Variants in MTHFD2L observed in about 807,000 individuals in gnomAD.
MTHFD2L encodes the protein methylenetetrahydrofolate dehydrogenase (NADP+ dependent) 2 like.
In MTHFD2L, 29 loss-of-function variants were observed where a neutral mutation model predicts 34.9. That is an observed-to-expected ratio of 0.83 (90% CI 0.62 to 1.13). MTHFD2L has a LOEUF of 1.13. MTHFD2L is among the 50% of genes most tolerant of loss of function. MTHFD2L has a pLI of 0.00. For synonymous variants in MTHFD2L, 167 were observed against 155.7 expected (o/e 1.07, Z -0.54); for missense variants, 481 against 446.5 (o/e 1.08, Z -0.70).
chr4:74,201,360 A>T lies in MTHFD2L; in HGVS notation c.702A>T (p.Glu234Asp). Residue 234 changes from glutamate (E) to aspartate (D), a missense_variant, in exon 5 of 8, where the codon GAA becomes GAT. Glu to Asp is a conservative substitution (Grantham distance 45). Coordinates refer to ENST00000325278, the MANE Select transcript of MTHFD2L (RefSeq NM_001144978.3). ...TTTTACACACTGATGGAGAGCATGA[A>T]CGGCCAGGAGGTAGGTAGAACCTTG... ...AMLLHTDGEH[E>D]RPGGDATVTI... 6.2e-7 allele frequency: 1 copy of T among 1,613,026 alleles called. No individual in the cohort carries two copies. The highest frequency in any genetic ancestry group is 8.5e-7 in the Non-Finnish European group (1 of 1,179,252).
chr4:74,236,425 T>C (rs1328681648), intron 6 of MTHFD2L, among the ~76,000 whole-genome samples: 1 of 152,256 alleles, frequency 6.6e-6, no homozygotes, highest in African/African-American at 2.4e-5. Flanking sequence ...AACTAGGACC[T>C]GAAAACGAAA....
chr4:74,300,446 A>G (rs1750159039), intron 7 of MTHFD2L, among the ~76,000 whole-genome samples: 1 of 152,042 alleles, frequency 6.6e-6, no homozygotes, highest in Non-Finnish European at 1.5e-5. Flanking sequence ...GATATAGACA[A>G]CATCTATTTA....
intron 3 of MTHFD2L, among the ~76,000 whole-genome samples, chr4:74,181,098 T>C (rs946128451): frequency 6.6e-6 from 1 of 152,174 alleles, no homozygotes; most frequent in Non-Finnish European, 1.5e-5. Flanking sequence ...AGGGAAATTA[T>C]AATATTCACA....
intron 1 of MTHFD2L, among the ~76,000 whole-genome samples, chr4:74,126,920 G>T (rs1008143388): frequency 1.3e-5 from 2 of 152,016 alleles, no homozygotes; most frequent in South Asian, 4.2e-4. Flanking sequence ...TCGAGGAAGG[G>T]ACCCGGTGGG....
chr4:74,137,897 T>C (rs957943656), intron 1 of MTHFD2L, among the ~76,000 whole-genome samples: 7 of 151,550 alleles, frequency 4.6e-5, no homozygotes, highest in Admixed American at 2.0e-4. Flanking sequence ...GTGTGGGAGC[T>C]AAAAAAAGTG....
chr4:74,223,974 A>G (rs1392641428), intron 5 of MTHFD2L: 1 of 152,068 alleles, frequency 6.6e-6, no homozygotes, highest in Admixed American at 6.6e-5. Context: ...ATATCCTTTT[A>G]TTGATGCTGT....
chr4:74,238,821 TAAA>T (rs1274793752), intron 6 of MTHFD2L, among the ~76,000 whole-genome samples: 1 of 152,192 alleles, frequency 6.6e-6, no homozygotes, highest in African/African-American at 2.4e-5. Context: ...TGGCGATCGT[TAAA>T]AAGTCAGGAA....
chr4:74,202,959 A>G (rs1330909813), intron 5 of MTHFD2L, among the ~76,000 whole-genome samples: 1 of 152,132 alleles, frequency 6.6e-6, no homozygotes, highest in Non-Finnish European at 1.5e-5. Flanking sequence ...CCTGATCTCA[A>G]ACTTTCAATA....
intron 7 of MTHFD2L, among the ~76,000 whole-genome samples, chr4:74,291,359 A>C (rs755439408): frequency 2.6e-5 from 4 of 151,926 alleles, no homozygotes; most frequent in Non-Finnish European, 2.9e-5. Flanking sequence ...CAGCCTTCTT[A>C]TTCAGACCAC....
intron 1 of MTHFD2L, among the ~76,000 whole-genome samples, chr4:74,167,879 A>G (rs903681213): frequency 6.6e-6 from 1 of 152,164 alleles, no homozygotes; most frequent in Non-Finnish European, 1.5e-5. Context: ...TCAGGTCAGA[A>G]ATGTTAGAGT....
chr4:74,262,788 A>G (rs563811031), intron 6 of MTHFD2L, among the ~76,000 whole-genome samples: 24 of 152,078 alleles, frequency 1.6e-4, no homozygotes, highest in African/African-American at 5.8e-4. Flanking sequence ...ATGCTTTATT[A>G]TAGTCCCTCT....
At chr4:74,265,733 T>C (rs1167097631) in intron 6 of MTHFD2L, among the ~76,000 whole-genome samples, 2 of 152,170 alleles carry the variant, frequency 1.3e-5, no homozygotes, top group African/African-American at 4.8e-5. Flanking sequence ...ATGCATACTA[T>C]TTTTGTCATG....
At chr4:74,143,442 C>T (rs1723399721) in intron 1 of MTHFD2L, 7 of 985,200 alleles carry the variant, frequency 7.1e-6, no homozygotes, top group Admixed American at 6.1e-5. Flanking sequence ...CCAATTTTCA[C>T]GCTGAGTTTG....
chr4:74,181,507 G>A (rs1008415800), intron 3 of MTHFD2L, among the ~76,000 whole-genome samples: 12 of 152,168 alleles, frequency 7.9e-5, no homozygotes, highest in Non-Finnish European at 1.5e-4. Flanking sequence ...GTTGTCAAGA[G>A]AACCAAGTGT....
chr4:74,115,822 G>A (rs747893271), intron 2 of MTHFD2L, among the ~76,000 whole-genome samples: 5 of 152,176 alleles, frequency 3.3e-5, no homozygotes, highest in Admixed American at 1.3e-4. Context: ...AAAGTATGCA[G>A]CATCACATAC....
intron 6 of MTHFD2L, among the ~76,000 whole-genome samples, chr4:74,255,791 G>T (rs1743952719): frequency 6.6e-6 from 1 of 152,088 alleles, no homozygotes; most frequent in African/African-American, 2.4e-5. Context: ...TAAGATAATG[G>T]CCTAAAGCTC....
intron 1 of MTHFD2L, among the ~76,000 whole-genome samples, chr4:74,167,928 A>G (rs1443367765): frequency 6.6e-6 from 1 of 151,980 alleles, no homozygotes; most frequent in Non-Finnish European, 1.5e-5. Flanking sequence ...CATATCCTAC[A>G]CCCAATCTCA....
At chr4:74,271,126 G>A (rs964731854) in intron 6 of MTHFD2L, among the ~76,000 whole-genome samples, 1 of 152,272 alleles carries the variant, frequency 6.6e-6, no homozygotes, top group East Asian at 1.9e-4. Context: ...TAGGTTGCCT[G>A]TTCACTCTAA....
intron 3 of MTHFD2L, among the ~76,000 whole-genome samples, chr4:74,185,543 A>C (rs6857092): frequency 0.99 from 150,723 of 152,122 alleles, 74,684 homozygotes; most frequent in Middle Eastern, 1. Context: ...AAAGCTAGAC[A>C]TATCAAGGAA....
Sources: gnomAD v4.1 joint callset for allele counts (sites outside exome capture counted in the v4.1 genomes callset) on GRCh38, gnomAD v4.1.1 for gene constraint, MANE v1.5 for transcripts, NCBI Gene and HGNC (gene_info 2026-07-23, HGNC 2026-07-21) for gene names.